Variants in IPO5 observed in about 807,000 individuals in gnomAD.
IPO5 encodes importin 5.
In IPO5, 18 loss-of-function variants were observed where a neutral mutation model predicts 143.3. The ratio of observed to expected loss-of-function variants is 0.13; its 90% confidence interval spans 0.09 to 0.19. The LOEUF (loss-of-function observed/expected upper bound fraction) is 0.19. Among genes scored for constraint, IPO5 ranks in the 10% least tolerant of loss-of-function variants. The pLI, the probability that IPO5 is intolerant of heterozygous loss-of-function variation, is 1.00. For missense variants in IPO5, 1,013 were observed against 1,336.9 expected (o/e 0.76, Z 3.78); for synonymous variants, 477 against 465.7 (o/e 1.02, Z -0.31).
At position 97,975,085 on chromosome 13, in the gene IPO5, T is replaced by C. The variant is rs960193228; in HGVS notation, c.-4-1608T>C. Among the ~76,000 whole-genome samples, 21 of 152,306 alleles carry C rather than the reference T, an allele frequency of 1.4e-4. No individual in the cohort carries two copies. The East Asian group carries it at 4.1e-3, about 29-fold the overall frequency. ...AAATTAAATTCCCTAAGTTAAATAC[T>C]ATGTACTGCCAGCGGTGTAGAACTA... On this transcript the variant is annotated intron_variant, in intron 3 of 28. Coordinates refer to ENST00000651721, the MANE Select transcript of IPO5 (RefSeq NM_002271.6).
At chr13:97,962,215 G>T (rs191823616) in intron 2 of IPO5, among the ~76,000 whole-genome samples, 1 of 144,666 alleles carries the variant, frequency 6.9e-6, no homozygotes, top group Admixed American at 6.7e-5. Flanking sequence ...AAGCACAAAG[G>T]TTTTAATTTT....
chr13:97,983,010 A>T (rs1886982198), intron 5 of IPO5, among the ~76,000 whole-genome samples: 1 of 152,190 alleles, frequency 6.6e-6, no homozygotes, highest in South Asian at 2.1e-4. Flanking sequence ...AACTGGGATT[A>T]CAGGCGTGCG....
rs1395893179 is a variant in IPO5, at chr13:98,002,590, C to G, written c.1232C>G (p.Pro411Arg). 6.2e-7 allele frequency: 1 copy of G among 1,612,986 alleles called. No homozygotes were observed. The highest frequency in any genetic ancestry group is 8.5e-7 in the Non-Finnish European group (1 of 1,179,600). ...VNFVLLFLQD[P>R]HPRVRYAACN... ...TTTGTTTTACTTTTTCTCCAGGATC[C>G]TGTAAGTACCAGTAAATATTTGATT... Residue 411 changes from proline (P) to arginine (R), a missense_variant and splice_region_variant, in exon 14 of 29, where the codon CCT becomes CGT. Transcript: ENST00000651721.
In IPO5 at chr13:97,982,538, C is replaced by T; in HGVS notation, c.126C>T (p.Ile42=). ...TYENIPGQSK[I]TFLLQAIRNT... ...AGAATATCCCAGGCCAGTCAAAGATCACATTCCTCTTACAAGCCATCAGAA... is the reference window on the plus strand; with the variant it reads ...AGAATATCCCAGGCCAGTCAAAGATTACATTCCTCTTACAAGCCATCAGAA... The change falls in exon 5 of 29, where the codon ATC becomes ATT. Residue 42 remains isoleucine, a synonymous_variant. Transcript: ENST00000651721. The T allele has an allele frequency of 6.2e-7, 1 of 1,612,798 alleles. No homozygotes were observed. Among genetic ancestry groups the T allele is most frequent in the Non-Finnish European group, 8.5e-7 (1 of 1,179,092 alleles).
chr13:97,962,580 G>T (rs183334985), intron 2 of IPO5, among the ~76,000 whole-genome samples: 2 of 152,184 alleles, frequency 1.3e-5, no homozygotes, highest in East Asian at 3.9e-4. Context: ...ACTTTGGGGG[G>T]CCCAGGCAGG....
intron 2 of IPO5, among the ~76,000 whole-genome samples, chr13:97,966,696 A>T (rs1239341745): frequency 6.6e-6 from 1 of 152,146 alleles, no homozygotes; most frequent in Non-Finnish European, 1.5e-5. Context: ...GTTTGGTAAA[A>T]TTCACCAGTA....
rs1473291941 is a variant in IPO5 at position 97,990,508 on chromosome 13, T to G, written c.640T>G (p.Phe214Val). The G allele has an allele frequency of 6.3e-7, 1 of 1,599,038 alleles. No individual in the cohort carries two copies. The highest frequency in any genetic ancestry group is 8.5e-7 in the Non-Finnish European group (1 of 1,175,150). ...GCATAATGTTGCTCTGTTCAAACAT[T>G]TTGCAGACTTGCTACCGGGATTCCT... ...NEHNVALFKH[F>V]ADLLPGFLQA... Residue 214 changes from phenylalanine (F) to valine (V), a missense_variant, in exon 9 of 29, where the codon TTT becomes GTT. Physicochemically the swap from Phe to Val is conservative, Grantham distance 50. Around this residue, in one of 2 missense-constraint regions of IPO5, gnomAD observed 328 missense variants for 342.0 expected, o/e 0.96. Transcript: ENST00000651721.
intron 2 of IPO5, among the ~76,000 whole-genome samples, chr13:97,966,321 G>T (rs1213511372): frequency 2.0e-5 from 3 of 151,988 alleles, no homozygotes; most frequent in Non-Finnish European, 4.4e-5. Context: ...TTCCTAGTTT[G>T]TTGAGCGTTT....
intron 18 of IPO5, among the ~76,000 whole-genome samples, chr13:98,008,694 C>G (rs552483153): frequency 6.6e-6 from 1 of 152,284 alleles, no homozygotes; most frequent in Admixed American, 6.5e-5. Flanking sequence ...ACATACCCAG[C>G]TAACGCTTGC....
At chr13:97,955,916 G>A (rs1467860938) in intron 2 of IPO5, among the ~76,000 whole-genome samples, 1 of 152,156 alleles carries the variant, frequency 6.6e-6, no homozygotes, top group Admixed American at 6.6e-5. Flanking sequence ...CGGATCACAA[G>A]GTCAGGAGAC....
chr13:97,983,965 CTTTTTTTTTTTTTTTTT>C (rs71117684), intron 5 of IPO5, among the ~76,000 whole-genome samples: 5 of 45,822 alleles, frequency 1.1e-4, no homozygotes, highest in East Asian at 9.6e-4. Context: ...AGGGTAACTT[CTTTTTTTTTTTTTTTTT>C]TTTTTTTTTT....
At chr13:97,961,004 G>A (rs577871940) in intron 2 of IPO5, among the ~76,000 whole-genome samples, 2 of 152,172 alleles carry the variant, frequency 1.3e-5, no homozygotes, top group East Asian at 3.9e-4. Flanking sequence ...CCATGCCCAG[G>A]CACATGGCAA....
intron 1 of IPO5, 65 bp downstream of exon 1, chr13:97,953,781 C>T (rs1450639855): frequency 2.7e-6 from 1 of 373,392 alleles, no homozygotes; most frequent in East Asian, 7.8e-5. Context: ...CACTGAGGAA[C>T]AATTTAGCGT....
intron 3 of IPO5, chr13:97,976,360 T>C (rs9517154): frequency 0.076 from 11,503 of 151,434 alleles, 700 homozygotes; most frequent in East Asian, 0.33. Context: ...CCAACCGGCG[T>C]ACAGCCGGCG....
intron 3 of IPO5, among the ~76,000 whole-genome samples, chr13:97,973,885 C>G (rs1886043406): frequency 6.6e-6 from 1 of 151,756 alleles, no homozygotes; most frequent in South Asian, 2.1e-4. Context: ...GCCTGGGTAA[C>G]AGGAAGACCC....
At chr13:97,958,680 AAAAG>A (rs748888453) in intron 2 of IPO5, among the ~76,000 whole-genome samples, 38 of 152,022 alleles carry the variant, frequency 2.5e-4, no homozygotes, top group South Asian at 1.0e-3. Context: ...TCAAAAAAAA[AAAAG>A]AAAGAAAGAG....
intron 4 of IPO5, among the ~76,000 whole-genome samples, chr13:97,981,674 G>A (rs145170419): frequency 6.6e-6 from 1 of 152,366 alleles, no homozygotes; most frequent in African/African-American, 2.4e-5. Context: ...CTTAGAGTAA[G>A]CAATTCCAAG....
At position 97,992,660 on chromosome 13, in the gene IPO5, T is replaced by G. The variant is rs562254723; in HGVS notation, c.670-232T>G. The stretch of plus-strand genomic sequence containing the variant: ...AATGGTTATTATAGTTTCACTGATT[T>G]TCATTTTGACTTAGATGTAAATCTG... On this transcript the variant is annotated intron_variant, in intron 9 of 28. Coordinates refer to ENST00000651721, the MANE Select transcript of IPO5 (RefSeq NM_002271.6). Among the ~76,000 whole-genome samples, 17 of 152,358 alleles carry G rather than the reference T, an allele frequency of 1.1e-4. No individual in the cohort carries two copies. In the East Asian group the frequency reaches 3.3e-3, roughly 29 times the overall value.
chr13:97,986,120 A>G (rs1887320490), intron 6 of IPO5, among the ~76,000 whole-genome samples: 1 of 148,472 alleles, frequency 6.7e-6, no homozygotes, highest in Non-Finnish European at 1.5e-5. Flanking sequence ...GTCTCAAAAA[A>G]AGGAAAAAAA....
Sources: allele counts gnomAD v4.1 joint callset (sites outside exome capture counted in the v4.1 genomes callset), GRCh38; gene constraint gnomAD v4.1.1; regional missense constraint gnomAD v4.1.1; transcripts MANE v1.5; gene names NCBI Gene and HGNC (gene_info 2026-07-23, HGNC 2026-07-21).